Variants in SLC7A6OS observed in about 807,000 individuals in gnomAD.
SLC7A6OS encodes the protein solute carrier family 7 member 6 opposite strand.
A neutral mutation model predicts 34.3 loss-of-function variants in SLC7A6OS; 22 were observed. That is an observed-to-expected ratio of 0.64 (90% CI 0.46 to 0.92). The LOEUF (loss-of-function observed/expected upper bound fraction) is 0.92, where lower values mean the gene tolerates loss of function less well. Ranked by LOEUF, SLC7A6OS falls within the 40% of genes least tolerant of loss-of-function variation. SLC7A6OS has a pLI of 0.00. For synonymous variants in SLC7A6OS, 199 were observed against 165.0 expected (o/e 1.21, Z -1.58); for missense variants, 434 against 407.7 (o/e 1.06, Z -0.56).
At chr16:68,305,933 C>G (rs1352981765) in intron 2 of SLC7A6OS, among the ~76,000 whole-genome samples, 1 of 152,130 alleles carries the variant, frequency 6.6e-6, no homozygotes, top group Non-Finnish European at 1.5e-5. Flanking sequence ...TAGCGCAGGC[C>G]TGTGGCTCCA....
At chr16:68,302,061 T>C in intron 4 of SLC7A6OS, 1 of 282,968 alleles carries the variant, frequency 3.5e-6, no homozygotes. Flanking sequence ...ATATTTTACA[T>C]AATCTCAACC....
chr16:68,305,109 G>A (rs1567603032), intron 2 of SLC7A6OS, among the ~76,000 whole-genome samples: 1 of 152,196 alleles, frequency 6.6e-6, no homozygotes, highest in Non-Finnish European at 1.5e-5. Context: ...CAAGCTCTGA[G>A]TCAGACCTGC....
Position 68,310,523 on chromosome 16 carries a change from G to C in SLC7A6OS, c.283C>G (p.Arg95Gly), listed in dbSNP as rs747062158. The C allele has an allele frequency of 1.9e-6, 3 of 1,582,600 alleles. No homozygotes were observed. Among genetic ancestry groups the C allele is most frequent in the Non-Finnish European group, 2.6e-6 (3 of 1,165,296 alleles). ...RVRRNLRASA[R>G]EVRQEGRYRV... ...TAGCGGCCCTCCTGCCGGACCTCCC[G>C]AGCCGAGGCGCGGAGATTACGGCGG... Residue 95 changes from arginine (R) to glycine (G), a missense_variant, in exon 2 of 5, where the codon CGG becomes GGG. Arg to Gly is a moderately radical substitution (Grantham distance 125, BLOSUM62 -2). Transcript: ENST00000263997.
intron 2 of SLC7A6OS, 90 bp downstream of exon 2, chr16:68,310,245 C>T: frequency 7.3e-7 from 1 of 1,378,926 alleles, no homozygotes; most frequent in Non-Finnish European, 9.8e-7. Flanking sequence ...TCATCCATCC[C>T]CTTAAGATGA....
intron 2 of SLC7A6OS, among the ~76,000 whole-genome samples, chr16:68,307,579 C>A (rs2043335718): frequency 1.3e-5 from 2 of 152,122 alleles, no homozygotes; most frequent in South Asian, 4.1e-4. Flanking sequence ...GGCTTTAGAT[C>A]CAAACAATAA....
chr16:68,305,685 G>C (rs181150560), intron 2 of SLC7A6OS, among the ~76,000 whole-genome samples: 1 of 152,308 alleles, frequency 6.6e-6, no homozygotes, highest in Admixed American at 6.5e-5. Context: ...GCAGAACCTT[G>C]AGCAAACTTA....
In SLC7A6OS at chr16:68,308,666, C is replaced by G. The variant is rs377582160; in HGVS notation, c.471+1669G>C. ...ACAACAATAAACAATTACACTAGTACCATTTGCTTGTTGCTTGTGGATTCA... is the reference window on the plus strand; with the variant it reads ...ACAACAATAAACAATTACACTAGTAGCATTTGCTTGTTGCTTGTGGATTCA... On this transcript the variant is annotated intron_variant, in intron 2 of 4. Transcript: ENST00000263997. 1.2e-3 allele frequency among the ~76,000 whole-genome samples: 178 copies of G among 152,232 alleles called. 5 individuals are homozygous for G. In the South Asian group the frequency reaches 0.034, roughly 29 times the overall value.
chr16:68,303,940 G>C, intron 3 of SLC7A6OS, 86 bp downstream of exon 3: 1 of 1,221,160 alleles, frequency 8.2e-7, no homozygotes. Flanking sequence ...ATGTTGTTCG[G>C]GAGTGGAGCC....
At chr16:68,303,614 G>A (rs74515642) in intron 3 of SLC7A6OS, 3,470 of 167,142 alleles carry the variant, frequency 0.021, 152 homozygotes, top group African/African-American at 0.078. Flanking sequence ...ATAATGTCAG[G>A]ACGTTAGCTT....
chr16:68,308,484 G>C (rs1218920128), intron 2 of SLC7A6OS, among the ~76,000 whole-genome samples: 1 of 151,518 alleles, frequency 6.6e-6, no homozygotes, highest in Non-Finnish European at 1.5e-5. Context: ...AAAATTAGCC[G>C]GGTGTGGTGG....
chr16:68,308,800 C>A (rs1471697293), intron 2 of SLC7A6OS, among the ~76,000 whole-genome samples: 2 of 151,986 alleles, frequency 1.3e-5, no homozygotes, highest in African/African-American at 2.4e-5. Flanking sequence ...TGCCTGTAAT[C>A]CCAGCACTTT....
At chr16:68,308,802 C>G (rs2043345292) in intron 2 of SLC7A6OS, among the ~76,000 whole-genome samples, 1 of 151,950 alleles carries the variant, frequency 6.6e-6, no homozygotes, top group Non-Finnish European at 1.5e-5. Context: ...CCTGTAATCC[C>G]AGCACTTTGG....
chr16:68,303,764 G>T, intron 3 of SLC7A6OS: 2 of 459,334 alleles, frequency 4.4e-6, no homozygotes, highest in Non-Finnish European at 7.9e-6. Context: ...AGAATGGATA[G>T]CTATAAACAA....
rs76191297 is a variant in SLC7A6OS, at chr16:68,309,697, G to A, written c.471+638C>T. ...ACCTCAAACTTGATATGCTATCCAG[G>A]ACTATTCCTTTAACCTCTCTTTGAT... On this transcript the variant is annotated intron_variant, in intron 2 of 4. Transcript: ENST00000263997. Among the ~76,000 whole-genome samples the A allele has an allele frequency of 9.3e-4, 141 of 152,214 alleles. 3 individuals are homozygous for A. In the East Asian group the frequency reaches 0.025, roughly 27 times the overall value.
At chr16:68,310,201 A>G in intron 2 of SLC7A6OS, 134 bp downstream of exon 2, 1 of 1,033,430 alleles carries the variant, frequency 9.7e-7, no homozygotes, top group South Asian at 1.7e-5. Flanking sequence ...ATGAACAACC[A>G]AATCTGTAAA....
At chr16:68,308,094 G>T (rs1027273019) in intron 2 of SLC7A6OS, among the ~76,000 whole-genome samples, 5 of 151,816 alleles carry the variant, frequency 3.3e-5, no homozygotes, top group African/African-American at 1.2e-4. Context: ...TAGAAATGGG[G>T]TTTTGCCATA....
rs2043254635 is a variant in SLC7A6OS, at chr16:68,300,708, T to G, written c.*567A>C. On this transcript the variant is annotated 3_prime_UTR_variant, in exon 5 of 5. Coordinates refer to ENST00000263997, the MANE Select transcript of SLC7A6OS (RefSeq NM_032178.3). ...CTGCCAAAGGAAGTCAGTCAGTAATTTCACAACCGTTATCAGAGTTTGGAA... is the reference window on the plus strand; with the variant it reads ...CTGCCAAAGGAAGTCAGTCAGTAATGTCACAACCGTTATCAGAGTTTGGAA... 4.1e-6 allele frequency: 4 copies of G among 985,382 alleles called. No individual in the cohort carries two copies. Among genetic ancestry groups the G allele is most frequent in the African/African-American group, 1.7e-5 (1 of 57,254 alleles). The allele number at this position is 985,382 out of a possible 1,614,324, so 61.0% of individuals were successfully genotyped here.
At chr16:68,303,661 T>C (rs1282304840) in intron 3 of SLC7A6OS, 2 of 187,068 alleles carry the variant, frequency 1.1e-5, no homozygotes, top group Non-Finnish European at 1.1e-5. Flanking sequence ...AAGGTACGAA[T>C]TAAAAAATAG....
intron 2 of SLC7A6OS, among the ~76,000 whole-genome samples, chr16:68,308,238 T>C (rs753580703): frequency 2.0e-5 from 3 of 151,982 alleles, no homozygotes; most frequent in Non-Finnish European, 4.4e-5. Context: ...CCACGGAGCA[T>C]TGGTTTACTT....
Sources: gnomAD v4.1 joint callset for allele counts (sites outside exome capture counted in the v4.1 genomes callset) on GRCh38, gnomAD v4.1.1 for gene constraint, MANE v1.5 for transcripts, NCBI Gene and HGNC (gene_info 2026-07-23, HGNC 2026-07-21) for gene names.